The following KCNH5 variants were observed in gnomAD, a reference collection of about 807,000 sequenced individuals.
The protein encoded by KCNH5 is voltage-gated delayed rectifier potassium channel KCNH5.
KCNH5 carries 46 observed loss-of-function variants against 96.1 expected under a neutral mutation model. That is an observed-to-expected ratio of 0.48 (90% CI 0.38 to 0.61). The LOEUF (loss-of-function observed/expected upper bound fraction) is 0.61. Ranked by LOEUF, KCNH5 falls within the 20% of genes least tolerant of loss-of-function variation. The pLI is 0.00. For synonymous variants in KCNH5, 439 were observed against 449.8 expected, an observed-to-expected ratio of 0.98 and a Z score of 0.30; for missense variants, 907 against 1,225.8, an observed-to-expected ratio of 0.74 and a Z score of 3.88.
At chr14:62,936,787 C>T (rs972911015) in intron 7 of KCNH5, among the ~76,000 whole-genome samples, 3 of 151,680 alleles carry the variant, frequency 2.0e-5, no homozygotes, top group African/African-American at 4.8e-5. Flanking sequence ...ACCTGCCTGA[C>T]CAACAGGGTG....
chr14:63,007,706 T>C (rs769062507), intron 2 of KCNH5, among the ~76,000 whole-genome samples: 8 of 152,294 alleles, frequency 5.3e-5, no homozygotes, highest in Non-Finnish European at 7.4e-5. Flanking sequence ...ATGATACATA[T>C]AATGCATTGA....
intron 1 of KCNH5, among the ~76,000 whole-genome samples, chr14:63,017,593 T>A (rs75582399): frequency 0.016 from 2,406 of 151,746 alleles, 96 homozygotes; most frequent in East Asian, 0.14. Flanking sequence ...GAAAAGTAGG[T>A]TTGCTTTTGT....
intron 1 of KCNH5, 139 bp downstream of exon 1, chr14:63,044,975 G>A: frequency 1.4e-6 from 1 of 697,748 alleles, no homozygotes; most frequent in South Asian, 1.7e-5. Flanking sequence ...CCCAAATCCA[G>A]CCCAACTGGT....
intron 4 of KCNH5, among the ~76,000 whole-genome samples, chr14:62,989,443 G>A (rs1024382955): frequency 6.6e-6 from 1 of 151,960 alleles, no homozygotes; most frequent in Non-Finnish European, 1.5e-5. Context: ...CACACCCTAC[G>A]CTGTTTTGTG....
At chr14:62,819,314 A>G (rs1434306518) in intron 8 of KCNH5, among the ~76,000 whole-genome samples, 3 of 152,230 alleles carry the variant, frequency 2.0e-5, no homozygotes, top group Non-Finnish European at 2.9e-5. Context: ...TTCATGCCAC[A>G]ATATGGATGA....
chr14:62,709,068 C>T (rs1454631995), intron 10 of KCNH5, among the ~76,000 whole-genome samples: 1 of 151,142 alleles, frequency 6.6e-6, no homozygotes, highest in African/African-American at 2.4e-5. Flanking sequence ...CCCGTCTCTA[C>T]TAAAAATACA....
intron 8 of KCNH5, among the ~76,000 whole-genome samples, chr14:62,804,210 C>A (rs983100590): frequency 3.3e-5 from 5 of 152,022 alleles, no homozygotes; most frequent in African/African-American, 1.2e-4. Context: ...TTTTCATACT[C>A]CCTCAAATTT....
intron 6 of KCNH5, among the ~76,000 whole-genome samples, chr14:62,980,138 G>T (rs1890579106): frequency 6.6e-6 from 1 of 152,174 alleles, no homozygotes; most frequent in Admixed American, 6.5e-5. Flanking sequence ...CACCAGGATT[G>T]TAAGTTTCCT....
rs1887769541 is a variant in KCNH5, at chr14:62,849,845, A to C, written c.1377T>G (p.Leu459=). 3.1e-6 allele frequency: 5 copies of C among 1,611,526 alleles called. No individual in the cohort carries two copies. The highest frequency in any genetic ancestry group is 4.2e-6 in the Non-Finnish European group (5 of 1,177,766). ...SVAMMMVGSL[L]YATIFGNVTT... is the part of the protein sequence containing the mutation. ...TAACATTTCCAAAAATAGTTGCATAAAGAAGAGCTGAAAGAGAAGAAATGA... is the reference window on the plus strand; with the variant it reads ...TAACATTTCCAAAAATAGTTGCATACAGAAGAGCTGAAAGAGAAGAAATGA... Residue 459 remains leucine, a synonymous_variant, in exon 8 of 11, where the codon CTT becomes CTG. Transcript: ENST00000322893.
chr14:62,755,681 T>C (rs1163483501), intron 10 of KCNH5, among the ~76,000 whole-genome samples: 1 of 152,194 alleles, frequency 6.6e-6, no homozygotes, highest in Admixed American at 6.5e-5. Flanking sequence ...ACAGTATCTC[T>C]GATGAACACT....
chr14:63,017,724 T>G (rs1375968967), intron 1 of KCNH5, among the ~76,000 whole-genome samples: 1 of 151,278 alleles, frequency 6.6e-6, no homozygotes, highest in Non-Finnish European at 1.5e-5. Flanking sequence ...TATTAAAATA[T>G]ATAAGTGAAC....
At chr14:62,991,401 G>A (rs1248382894) in intron 4 of KCNH5, among the ~76,000 whole-genome samples, 1 of 151,712 alleles carries the variant, frequency 6.6e-6, no homozygotes, top group Non-Finnish European at 1.5e-5. Context: ...GGGAACTGCT[G>A]GCAGAAAAAA....
intron 6 of KCNH5, among the ~76,000 whole-genome samples, chr14:62,978,580 C>T (rs546884692): frequency 6.8e-6 from 1 of 146,892 alleles, no homozygotes; most frequent in African/African-American, 2.5e-5. Context: ...GAGTGAGACT[C>T]CGTCTCAAAA....
chr14:62,730,369 C>T (rs2139923469), intron 10 of KCNH5, among the ~76,000 whole-genome samples: 1 of 152,256 alleles, frequency 6.6e-6, no homozygotes, highest in Admixed American at 6.5e-5. Flanking sequence ...CAAGCATTGC[C>T]TTAGAAAGTA....
chr14:62,901,872 GC>G (rs2140093651), intron 7 of KCNH5, among the ~76,000 whole-genome samples: 1 of 152,228 alleles, frequency 6.6e-6, no homozygotes, highest in Non-Finnish European at 1.5e-5. Flanking sequence ...TCTTTTCTCT[GC>G]AACCTCACCA....
intron 8 of KCNH5, among the ~76,000 whole-genome samples, chr14:62,839,984 A>T (rs926537422): frequency 6.6e-6 from 1 of 152,136 alleles, no homozygotes; most frequent in Non-Finnish European, 1.5e-5. Flanking sequence ...TATTTCAAGC[A>T]TCATCACAAT....
intron 10 of KCNH5, among the ~76,000 whole-genome samples, chr14:62,745,534 A>T (rs1383706150): frequency 6.6e-6 from 1 of 152,190 alleles, no homozygotes; most frequent in African/African-American, 2.4e-5. Flanking sequence ...CATATATTTT[A>T]TTCAATTTTC....
chr14:62,853,310 T>G (rs1047786772), intron 7 of KCNH5, among the ~76,000 whole-genome samples: 17 of 151,700 alleles, frequency 1.1e-4, no homozygotes, highest in African/African-American at 3.6e-4. Flanking sequence ...ACTTTAAAAT[T>G]ACACTGGAAT....
intron 7 of KCNH5, among the ~76,000 whole-genome samples, chr14:62,872,161 A>G (rs976588910): frequency 1.3e-5 from 2 of 152,232 alleles, no homozygotes; most frequent in African/African-American, 4.8e-5. Flanking sequence ...TTCTACAAAT[A>G]TTCATTTGGT....
Sources: gnomAD v4.1 joint callset for allele counts (sites outside exome capture counted in the v4.1 genomes callset) on GRCh38, gnomAD v4.1.1 for gene constraint, MANE v1.5 for transcripts, NCBI Gene and HGNC (gene_info 2026-07-23, HGNC 2026-07-21) for gene names.